The following RBM26 variants were observed in gnomAD, a reference collection of about 807,000 sequenced individuals.
RBM26 encodes the protein RNA binding motif protein 26.
A neutral mutation model predicts 123.6 loss-of-function variants in RBM26; 30 were observed. The ratio of observed to expected loss-of-function variants is 0.24; its 90% CI spans 0.18 to 0.33. RBM26 has a LOEUF of 0.33. Among genes scored for constraint, RBM26 ranks in the 10% least tolerant of loss-of-function variants. The pLI is 1.00. For synonymous variants in RBM26, 400 were observed against 404.4 expected (o/e 0.99, Z 0.13); for missense variants, 947 against 1,203.6 (o/e 0.79, Z 3.15).
rs747548020 is a variant in RBM26, at chr13:79,377,484, A to T, written c.222T>A (p.Asp74Glu). Residue 74 changes from aspartate to glutamate, a missense_variant, in exon 3 of 22, where the codon GAT becomes GAA. Physicochemically the swap from Asp to Glu is conservative, Grantham distance 45. Coordinates refer to ENST00000438737, the MANE Select transcript of RBM26 (RefSeq NM_001366735.2). ...ETQIFVEKLF[D>E]AVNTKSYLPP... is the part of the protein sequence containing the mutation. Reference sequence around the variant, plus strand: ...GTAGGTAACTCTTTGTATTCACAGCATCAAAAAGTTTTTCCACAAATATCT... The same window carrying T: ...GTAGGTAACTCTTTGTATTCACAGCTTCAAAAAGTTTTTCCACAAATATCT... 5.0e-6 allele frequency: 8 copies of T among 1,612,576 alleles called. No homozygotes were observed. The Admixed American group carries it at 1.3e-4, about 27-fold the overall frequency.
At chr13:79,354,604 T>C (rs1450661484) in intron 12 of RBM26, 34 bp from the exon 13 acceptor site, 3 of 1,538,258 alleles carry the variant, frequency 2.0e-6, no homozygotes, top group Admixed American at 1.8e-5. Context: ...AACAAGTTGA[T>C]TCATTCAAAA....
At chr13:79,337,399 T>C in intron 18 of RBM26, 97 bp from the exon 19 acceptor site, 2 of 1,360,096 alleles carry the variant, frequency 1.5e-6, no homozygotes, top group South Asian at 2.5e-5. Flanking sequence ...TAATGCAATT[T>C]GACAATGTAT....
intron 20 of RBM26, among the ~76,000 whole-genome samples, chr13:79,327,550 T>G (rs2068627157): frequency 6.6e-6 from 1 of 151,886 alleles, no homozygotes; most frequent in African/African-American, 2.4e-5. Flanking sequence ...AAAGATAAAT[T>G]GAATGAAAAC....
At chr13:79,387,069 C>T (rs978447272) in intron 1 of RBM26, among the ~76,000 whole-genome samples, 13 of 152,092 alleles carry the variant, frequency 8.5e-5, no homozygotes, top group African/African-American at 3.1e-4. Flanking sequence ...ACGGTTACCA[C>T]AGTCATGCCA....
At chr13:79,327,173 A>G (rs1166656229) in intron 20 of RBM26, among the ~76,000 whole-genome samples, 5 of 151,598 alleles carry the variant, frequency 3.3e-5, no homozygotes, top group African/African-American at 1.2e-4. Flanking sequence ...GCGTGTGCCT[A>G]TAGTCCCAGC....
chr13:79,395,620 G>C (rs2140465510), intron 1 of RBM26, among the ~76,000 whole-genome samples: 1 of 152,118 alleles, frequency 6.6e-6, no homozygotes, highest in East Asian at 1.9e-4. Context: ...TGGGTGTGGT[G>C]GTGTGTGACT....
chr13:79,342,536 G>T, intron 17 of RBM26, 128 bp downstream of exon 17: 3 of 660,134 alleles, frequency 4.5e-6, no homozygotes, highest in East Asian at 2.8e-5. Flanking sequence ...ATGGCAGGGG[G>T]AGAATGGTAC....
intron 14 of RBM26, among the ~76,000 whole-genome samples, chr13:79,348,991 T>C (rs540376112): frequency 1.3e-5 from 2 of 152,268 alleles, no homozygotes; most frequent in Admixed American, 6.5e-5. Flanking sequence ...GCTATATCCA[T>C]TGTAAGCTGA....
exon 5 of RBM26, chr13:79,311,996 G>C (rs2138191341): frequency 6.6e-6 from 1 of 151,984 alleles, no homozygotes; most frequent in African/African-American, 2.4e-5. Flanking sequence ...TCTAGTTCAA[G>C]TTTTATCTTT....
chr13:79,370,442 C>T (rs1181731404), intron 5 of RBM26, among the ~76,000 whole-genome samples: 1 of 152,026 alleles, frequency 6.6e-6, no homozygotes, highest in Non-Finnish European at 1.5e-5. Context: ...TTCTTTTTAT[C>T]CATGTTATGG....
intron 1 of RBM26, among the ~76,000 whole-genome samples, chr13:79,380,312 T>A (rs1223047803): frequency 6.6e-6 from 1 of 152,102 alleles, no homozygotes; most frequent in Non-Finnish European, 1.5e-5. Context: ...AATCTTCATA[T>A]CAATTCATTA....
intron 16 of RBM26, 32 bp downstream of exon 16, chr13:79,344,216 C>A (rs113501908): frequency 7.4e-7 from 1 of 1,343,722 alleles, no homozygotes; most frequent in Middle Eastern, 1.8e-4. Context: ...ATAACATTTG[C>A]AATTTGGCCA....
chr13:79,312,578 T>C (rs148502486), exon 5 of RBM26: 1 of 152,182 alleles, frequency 6.6e-6, no homozygotes, highest in African/African-American at 2.4e-5. Context: ...ATTTTAGTAT[T>C]AGAAAAGTTT....
intron 20 of RBM26, among the ~76,000 whole-genome samples, chr13:79,323,208 G>T (rs934610080): frequency 1.1e-4 from 17 of 149,062 alleles, no homozygotes; most frequent in South Asian, 6.4e-4. Flanking sequence ...AGAGTAACAT[G>T]AACTAAGGTA....
At chr13:79,361,686 C>T (rs2074704084) in intron 9 of RBM26, among the ~76,000 whole-genome samples, 1 of 152,098 alleles carries the variant, frequency 6.6e-6, no homozygotes, top group Non-Finnish European at 1.5e-5. Context: ...TTAGGAATCC[C>T]CACTCCTTGC....
Position 79,389,499 on chromosome 13 carries a change from A to C in RBM26, c.72-10592T>G, listed in dbSNP as rs115344640. 6.9e-3 allele frequency: 1,051 copies of C among 152,354 alleles called. 19 individuals are homozygous for C. The highest frequency in any genetic ancestry group is 0.023 in the African/African-American group (964 of 41,586). The allele number at this position is 152,354 out of a possible 1,614,324, so 9.4% of individuals were successfully genotyped here. On this transcript the variant is annotated intron_variant, in intron 1 of 21. Transcript: ENST00000438737. ...TGGAAAGCCAAAGAAAAAAGCAAACAACCTAAATGACAAATAAGAACAGAA... is the reference window on the plus strand; with the variant it reads ...TGGAAAGCCAAAGAAAAAAGCAAACCACCTAAATGACAAATAAGAACAGAA...
chr13:79,368,014 T>A (rs2075495216), intron 6 of RBM26, among the ~76,000 whole-genome samples: 1 of 81,980 alleles, frequency 1.2e-5, no homozygotes, highest in Non-Finnish European at 2.4e-5. Context: ...AGTCTTCAAT[T>A]CTTTTTATTT....
At chr13:79,336,017 T>A (rs1162426849) in intron 19 of RBM26, among the ~76,000 whole-genome samples, 1 of 152,070 alleles carries the variant, frequency 6.6e-6, no homozygotes, top group African/African-American at 2.4e-5. Flanking sequence ...ATACTAATCA[T>A]TTTGGTTATT....
chr13:79,331,623 G>A (rs868454445), intron 20 of RBM26, among the ~76,000 whole-genome samples: 206 of 150,868 alleles, frequency 1.4e-3, no homozygotes, highest in African/African-American at 4.6e-3. Context: ...GCAACACAGC[G>A]AGACTCCGCC....
Sources: gnomAD v4.1 joint callset for allele counts (sites outside exome capture counted in the v4.1 genomes callset) on GRCh38, gnomAD v4.1.1 for gene constraint, MANE v1.5 for transcripts, NCBI Gene and HGNC (gene_info 2026-07-23, HGNC 2026-07-21) for gene names.